SPAG17: variants seen among roughly 807,000 people sequenced by gnomAD.
SPAG17 encodes the protein sperm-associated antigen 17.
A neutral mutation model predicts 273.6 loss-of-function variants in SPAG17; 169 were observed. The ratio of observed to expected loss-of-function variants is 0.62; its 90% CI spans 0.55 to 0.70. The LOEUF is 0.70. SPAG17 is among the 30% of genes least tolerant of loss of function. The pLI is 0.00. For missense variants in SPAG17, 2,557 were observed against 2,627.8 expected (o/e 0.97, Z 0.59); for synonymous variants, 825 against 873.2 (o/e 0.94, Z 0.97).
intron 3 of SPAG17, among the ~76,000 whole-genome samples, chr1:118,150,114 GTCT>G (rs1659289913): frequency 6.6e-6 from 1 of 152,118 alleles, no homozygotes; most frequent in Admixed American, 6.5e-5. Flanking sequence ...CTGTACCTCT[GTCT>G]TATACAAGAA....
Sources: gnomAD v4.1 joint callset for allele counts (sites outside exome capture counted in the v4.1 genomes callset) on GRCh38, gnomAD v4.1.1 for gene constraint, MANE v1.5 for transcripts, NCBI Gene and HGNC (gene_info 2026-07-23, HGNC 2026-07-21) for gene names.